Variants in PTPRD observed in about 807,000 individuals in gnomAD.
The protein encoded by PTPRD is receptor-type tyrosine-protein phosphatase delta.
In PTPRD, 34 loss-of-function variants were observed where a neutral mutation model predicts 214.5. The observed-to-expected ratio is 0.16, with a 90% CI of 0.12 to 0.21. The LOEUF is 0.21. Among genes scored for constraint, PTPRD ranks in the 10% least tolerant of loss-of-function variants. The probability of loss-of-function intolerance (pLI) is 1.00; values close to 1 mark genes in which losing one functional copy is unlikely to be tolerated. For synonymous variants in PTPRD, 1,128 were observed against 845.7 expected, an observed-to-expected ratio of 1.33 and a Z score of -5.79; for missense variants, 2,545 against 2,398.7, an observed-to-expected ratio of 1.06 and a Z score of -1.27.
chr9:8,848,170 GA>G (rs1291315165), intron 11 of PTPRD, among the ~76,000 whole-genome samples: 3 of 150,982 alleles, frequency 2.0e-5, no homozygotes, highest in African/African-American at 7.3e-5. Context: ...GCCATCTGCA[GA>G]AAAAAAAGGT....
chr9:8,831,162 A>G (rs2053125), intron 11 of PTPRD, among the ~76,000 whole-genome samples: 87,084 of 151,898 alleles, frequency 0.57, 25,862 homozygotes, highest in African/African-American at 0.73. Context: ...ACTTGACAGT[A>G]AGAGGGAGGG....
intron 2 of PTPRD, among the ~76,000 whole-genome samples, chr9:10,385,829 T>G (rs1586857936): frequency 6.6e-6 from 1 of 150,392 alleles, no homozygotes; most frequent in Admixed American, 6.8e-5. Context: ...TGGTCAATAA[T>G]GTAAATACTA....
chr9:8,520,718 T>C (rs1244501448), intron 20 of PTPRD, among the ~76,000 whole-genome samples: 47 of 152,280 alleles, frequency 3.1e-4, no homozygotes, highest in Non-Finnish European at 1.5e-4. Flanking sequence ...GGAAAGAATA[T>C]TCCTTGAGCA....
At chr9:9,685,523 A>G (rs2154400219) in intron 7 of PTPRD, among the ~76,000 whole-genome samples, 1 of 151,436 alleles carries the variant, frequency 6.6e-6, no homozygotes, top group East Asian at 1.9e-4. Context: ...ATATATTTGA[A>G]CTTAATTTTT....
intron 7 of PTPRD, among the ~76,000 whole-genome samples, chr9:9,608,981 C>G (rs10977873): frequency 0.2 from 30,776 of 152,032 alleles, 3,823 homozygotes; most frequent in Non-Finnish European, 0.28. Context: ...TACTTGCAAA[C>G]TGCTAGAGTA....
At chr9:10,591,979 T>G (rs2075569480) in intron 2 of PTPRD, among the ~76,000 whole-genome samples, 1 of 152,084 alleles carries the variant, frequency 6.6e-6, no homozygotes, top group South Asian at 2.1e-4. Flanking sequence ...TGAGCTAGAA[T>G]CACACAGCTG....
intron 8 of PTPRD, among the ~76,000 whole-genome samples, chr9:9,467,390 C>G (rs1177643939): frequency 6.6e-6 from 1 of 150,712 alleles, no homozygotes; most frequent in African/African-American, 2.4e-5. Context: ...GAGTTCAAGA[C>G]CACCCTGGTC....
chr9:10,423,142 C>G lies in PTPRD; in HGVS notation c.-599-82125G>C, dbSNP rs571925063. 1.3e-5 allele frequency among the ~76,000 whole-genome samples: 2 copies of G among 152,140 alleles called. 1 individual carries two copies. Among genetic ancestry groups the G allele is most frequent in the East Asian group, 3.9e-4 (2 of 5,138 alleles). The stretch of plus-strand genomic sequence containing the variant: ...ATGCAGCCATAAAAAAGGATGAATT[C>G]ATGTCCTTTGTAGGGACATGGATGA... On this transcript the variant is annotated intron_variant, in intron 2 of 45. Coordinates refer to ENST00000381196, the MANE Select transcript of PTPRD (RefSeq NM_002839.4).
chr9:10,549,827 A>G (rs2060930834), intron 2 of PTPRD, among the ~76,000 whole-genome samples: 1 of 152,026 alleles, frequency 6.6e-6, no homozygotes, highest in Non-Finnish European at 1.5e-5. Context: ...TTTTTTTTTA[A>G]TTTAGATTAA....
chr9:10,510,337 T>G (rs2133742757), intron 2 of PTPRD, among the ~76,000 whole-genome samples: 1 of 152,236 alleles, frequency 6.6e-6, no homozygotes, highest in South Asian at 2.1e-4. Flanking sequence ...TTTCACTTTT[T>G]ATAGTACACA....
At chr9:9,569,140 G>A (rs1057369899) in intron 8 of PTPRD, among the ~76,000 whole-genome samples, 6 of 151,584 alleles carry the variant, frequency 4.0e-5, no homozygotes, top group African/African-American at 1.5e-4. Flanking sequence ...CATCTGCAGC[G>A]AGTAATAATA....
chr9:10,168,294 A>C (rs1022271653), intron 3 of PTPRD, among the ~76,000 whole-genome samples: 1 of 152,218 alleles, frequency 6.6e-6, no homozygotes, highest in Non-Finnish European at 1.5e-5. Context: ...AAGTTTATAT[A>C]GATCATGAGA....
chr9:9,420,184 T>A (rs7029356), intron 8 of PTPRD, among the ~76,000 whole-genome samples: 1,671 of 151,902 alleles, frequency 0.011, 31 homozygotes, highest in African/African-American at 0.038. Flanking sequence ...AAGCTTAATA[T>A]TTTAGAAAAT....
chr9:10,607,982 G>A (rs938949309), intron 2 of PTPRD, among the ~76,000 whole-genome samples: 7 of 151,948 alleles, frequency 4.6e-5, no homozygotes, highest in Non-Finnish European at 8.8e-5. Flanking sequence ...AACAAGGATG[G>A]AAAACCTCTC....
At chr9:9,572,145 G>T (rs72706534) in intron 8 of PTPRD, among the ~76,000 whole-genome samples, 7,445 of 151,334 alleles carry the variant, frequency 0.049, 221 homozygotes, top group Middle Eastern at 0.15. Context: ...ATCCACCAAA[G>T]AGTTGAATAT....
At chr9:9,710,600 T>C (rs2097707388) in intron 7 of PTPRD, among the ~76,000 whole-genome samples, 2 of 150,560 alleles carry the variant, frequency 1.3e-5, no homozygotes, top group Admixed American at 6.6e-5. Context: ...ATATCATCTA[T>C]TCTGTTTTTT....
At chr9:8,990,783 C>T (rs1234897407) in intron 11 of PTPRD, among the ~76,000 whole-genome samples, 2 of 152,132 alleles carry the variant, frequency 1.3e-5, no homozygotes, top group Non-Finnish European at 2.9e-5. Context: ...AGGAATGCTT[C>T]AGAGAAAGGC....
intron 10 of PTPRD, chr9:9,090,783 G>A: frequency 1.5e-6 from 1 of 666,058 alleles, no homozygotes; most frequent in East Asian, 2.7e-5. Context: ...CTTTAGCTGA[G>A]TTGCTGCATT....
At chr9:8,945,262 C>T (rs1420726468) in intron 11 of PTPRD, among the ~76,000 whole-genome samples, 3 of 151,904 alleles carry the variant, frequency 2.0e-5, no homozygotes, top group Non-Finnish European at 4.4e-5. Flanking sequence ...ACTTGTGAAT[C>T]TCCCACTTAA....
Sources: allele counts gnomAD v4.1 joint callset (sites outside exome capture counted in the v4.1 genomes callset), GRCh38; gene constraint gnomAD v4.1.1; transcripts MANE v1.5; gene names NCBI Gene and HGNC (gene_info 2026-07-23, HGNC 2026-07-21).